The following WWOX variants were observed in gnomAD, a reference collection of about 807,000 sequenced individuals.
WWOX encodes the protein WW domain-containing oxidoreductase.
WWOX carries 69 observed loss-of-function variants against 46.2 expected under a neutral mutation model. The observed-to-expected ratio is 1.49, with a 90% CI of 1.23 to 1.82. The LOEUF is 1.82. Among genes scored for constraint, WWOX ranks in the 40% most tolerant of loss-of-function variants. WWOX has a pLI of 0.00. For missense variants in WWOX, 919 were observed against 542.6 expected (o/e 1.69, Z -6.89); for synonymous variants, 359 against 202.6 (o/e 1.77, Z -6.56).
At chr16:79,142,548 G>C (rs532005911) in intron 8 of WWOX, among the ~76,000 whole-genome samples, 2 of 152,262 alleles carry the variant, frequency 1.3e-5, no homozygotes, top group South Asian at 4.2e-4. Flanking sequence ...AGGTAACATT[G>C]ATCTTAATTG....
chr16:79,010,847 C>T (rs549394304), intron 8 of WWOX, among the ~76,000 whole-genome samples: 78 of 151,882 alleles, frequency 5.1e-4, no homozygotes, highest in South Asian at 3.8e-3. Flanking sequence ...GTCTGGTGGC[C>T]TGTGTGGTGA....
At chr16:78,828,930 A>C (rs949228880) in intron 8 of WWOX, among the ~76,000 whole-genome samples, 1 of 152,236 alleles carries the variant, frequency 6.6e-6, no homozygotes, top group Non-Finnish European at 1.5e-5. Context: ...TAAGGTAATC[A>C]AAACTTATAG....
chr16:78,990,194 A>G (rs78687686), intron 8 of WWOX, among the ~76,000 whole-genome samples: 17,574 of 150,796 alleles, frequency 0.12, 1,216 homozygotes, highest in East Asian at 0.21. Flanking sequence ...ACCAAAAAAA[A>G]AAAAAAAAGA....
intron 8 of WWOX, among the ~76,000 whole-genome samples, chr16:78,808,864 C>A (rs78025547): frequency 6.6e-6 from 1 of 152,164 alleles, no homozygotes; most frequent in African/African-American, 2.4e-5. Flanking sequence ...CATTTGAACA[C>A]ACAAAATATA....
intron 8 of WWOX, among the ~76,000 whole-genome samples, chr16:78,770,499 A>G (rs535692257): frequency 3.9e-4 from 60 of 152,144 alleles, no homozygotes; most frequent in Non-Finnish European, 7.5e-4. Context: ...GCCATGGCCC[A>G]TTGGATGGCA....
In WWOX at chr16:78,866,862, C is replaced by A. The variant is rs370435330; in HGVS notation, c.1057-344746C>A. Among the ~76,000 whole-genome samples, 164 of 152,324 alleles carry A rather than the reference C, an allele frequency of 1.1e-3. 3 individuals carry two copies. The South Asian group carries it at 0.016, about 14-fold the overall frequency. On this transcript the variant is annotated intron_variant, in intron 8 of 8. Coordinates refer to ENST00000566780, the MANE Select transcript of WWOX (RefSeq NM_016373.4). The stretch of plus-strand genomic sequence containing the variant: ...TTAAAATAGTAGGGTCAGTAGGTGA[C>A]CACACTCAGAAGCCAAGCCTGCAGC...
chr16:79,031,254 C>T (rs2047747973), intron 8 of WWOX, among the ~76,000 whole-genome samples: 1 of 152,114 alleles, frequency 6.6e-6, no homozygotes, highest in Admixed American at 6.5e-5. Flanking sequence ...CTGCAGAGCC[C>T]ACGTGTGGGG....
At chr16:78,930,271 C>CCTTCCT (rs2045593779) in intron 8 of WWOX, among the ~76,000 whole-genome samples, 27 of 115,514 alleles carry the variant, frequency 2.3e-4, no homozygotes, top group African/African-American at 8.1e-4. Context: ...TCCTTCCTTT[C>CCTTCCT]TCTCTTTCTT....
chr16:78,545,371 C>A (rs957610683), intron 8 of WWOX, among the ~76,000 whole-genome samples: 2 of 151,254 alleles, frequency 1.3e-5, no homozygotes, highest in East Asian at 2.0e-4. Context: ...CCTTTTAATC[C>A]ATTTCTTTTA....
chr16:78,505,236 T>G (rs1382702614), intron 8 of WWOX, among the ~76,000 whole-genome samples: 2 of 152,218 alleles, frequency 1.3e-5, no homozygotes, highest in Non-Finnish European at 2.9e-5. Flanking sequence ...CTAGAATGCC[T>G]GGAGTGAGAA....
At chr16:78,566,041 A>C (rs1362102735) in intron 8 of WWOX, among the ~76,000 whole-genome samples, 1 of 152,110 alleles carries the variant, frequency 6.6e-6, no homozygotes, top group Non-Finnish European at 1.5e-5. Flanking sequence ...GAGGCTGGGA[A>C]GTCCAAGGTG....
rs575597229 is a variant in WWOX at position 78,400,045 on chromosome 16, T to C, written c.605+13097T>C. ...TAATATTGTGAGTCCTTTCTTGTCT[T>C]CATTTTTGAAGAATCTATTGCATAC... On this transcript the variant is annotated intron_variant, in intron 6 of 8. Transcript: ENST00000566780. Among the ~76,000 whole-genome samples the C allele has an allele frequency of 7.9e-5, 12 of 152,330 alleles. No individual in the cohort carries two copies. The East Asian group carries it at 1.7e-3, about 22-fold the overall frequency.
intron 8 of WWOX, among the ~76,000 whole-genome samples, chr16:78,745,224 G>A (rs1398759428): frequency 6.6e-6 from 1 of 152,218 alleles, no homozygotes; most frequent in Admixed American, 6.5e-5. Flanking sequence ...CACTTGATTA[G>A]TTCTTCCTGT....
intron 5 of WWOX, among the ~76,000 whole-genome samples, chr16:78,260,054 G>A (rs1482912711): frequency 1.3e-5 from 2 of 151,166 alleles, no homozygotes; most frequent in Non-Finnish European, 3.0e-5. Flanking sequence ...GGCGTTGCCA[G>A]AGAACTTACA....
At chr16:78,212,345 A>G (rs2036585626) in intron 5 of WWOX, among the ~76,000 whole-genome samples, 2 of 152,234 alleles carry the variant, frequency 1.3e-5, no homozygotes, top group South Asian at 2.1e-4. Flanking sequence ...AAGCAAGTCA[A>G]TGGCCATCCC....
intron 8 of WWOX, chr16:78,899,379 A>G (rs540118276): frequency 3.6e-4 from 55 of 152,336 alleles, no homozygotes; most frequent in African/African-American, 1.3e-3. Context: ...CTAACTCCAA[A>G]TCTTTGAACT....
chr16:78,722,421 C>T (rs934956066), intron 8 of WWOX, among the ~76,000 whole-genome samples: 39 of 152,202 alleles, frequency 2.6e-4, no homozygotes, highest in Admixed American at 2.0e-3. Context: ...GAAAAGTGAC[C>T]GTATGAAATG....
chr16:78,143,378 A>G (rs950750646), intron 4 of WWOX, among the ~76,000 whole-genome samples: 2 of 152,196 alleles, frequency 1.3e-5, no homozygotes, highest in Non-Finnish European at 2.9e-5. Context: ...AGGTCAGTTT[A>G]GAACCGAATG....
At chr16:78,533,264 C>T (rs1016218902) in intron 8 of WWOX, among the ~76,000 whole-genome samples, 1 of 151,976 alleles carries the variant, frequency 6.6e-6, no homozygotes, top group African/African-American at 2.4e-5. Flanking sequence ...AACTTTTGGC[C>T]GGGCATGGTG....
Sources: gnomAD v4.1 joint callset for allele counts (sites outside exome capture counted in the v4.1 genomes callset) on GRCh38, gnomAD v4.1.1 for gene constraint, MANE v1.5 for transcripts, NCBI Gene and HGNC (gene_info 2026-07-23, HGNC 2026-07-21) for gene names.